Variants in UHRF2 observed in about 807,000 individuals in gnomAD.
UHRF2 encodes the protein ubiquitin like with PHD and ring finger domains 2.
UHRF2 carries 23 observed loss-of-function variants against 96.8 expected under a neutral mutation model. The ratio of observed to expected loss-of-function variants is 0.24; its 90% confidence interval spans 0.17 to 0.34. UHRF2 has a LOEUF of 0.34. Ranked by LOEUF, UHRF2 falls within the 10% of genes least tolerant of loss-of-function variation. The pLI is 1.00. For missense variants in UHRF2, 685 were observed against 981.5 expected (o/e 0.70, Z 4.04); for synonymous variants, 385 against 332.6 (o/e 1.16, Z -1.72).
At chr9:6,498,470 C>A (rs757177538) in intron 12 of UHRF2, 3 of 194,924 alleles carry the variant, frequency 1.5e-5, no homozygotes, top group Non-Finnish European at 3.1e-5. Context: ...GTATAGGAGG[C>A]CCTGGAAAAG....
chr9:6,448,291 C>A (rs1180747418), intron 3 of UHRF2, among the ~76,000 whole-genome samples: 3 of 152,068 alleles, frequency 2.0e-5, no homozygotes, highest in Non-Finnish European at 4.4e-5. Flanking sequence ...AAGGAAAACA[C>A]AGTTGTGGAA....
intron 3 of UHRF2, among the ~76,000 whole-genome samples, chr9:6,450,704 A>T (rs1018254691): frequency 3.9e-5 from 6 of 152,170 alleles, no homozygotes; most frequent in African/African-American, 1.2e-4. Flanking sequence ...TTTTTAACCT[A>T]TCCCAGTTGT....
chr9:6,440,270 G>A (rs1318408242), intron 3 of UHRF2, among the ~76,000 whole-genome samples: 2 of 152,154 alleles, frequency 1.3e-5, no homozygotes, highest in African/African-American at 4.8e-5. Flanking sequence ...AGAGAATGTT[G>A]TCTTATGTGC....
At chr9:6,464,030 C>A (rs561118810) in intron 4 of UHRF2, among the ~76,000 whole-genome samples, 1 of 152,226 alleles carries the variant, frequency 6.6e-6, no homozygotes, top group East Asian at 1.9e-4. Context: ...GTAGATAGAA[C>A]CAAGTGTCTG....
chr9:6,415,554 A>G (rs1014442841), intron 1 of UHRF2: 1 of 152,226 alleles, frequency 6.6e-6, no homozygotes, highest in Non-Finnish European at 1.5e-5. Context: ...CATCACAGAG[A>G]GTCCCCGTCC....
Position 6,481,581 on chromosome 9 carries a change from T to G in UHRF2, c.1161-62T>G, listed in dbSNP as rs534516365. On this transcript the variant is annotated intron_variant, in intron 6 of 15. Coordinates refer to ENST00000276893, the MANE Select transcript of UHRF2 (RefSeq NM_152896.3). ...TTGCTCTTACCTAGGAAGGCTAATA[T>G]TCTGTTACTAGCTTTAATATGGTAT... 1.1e-4 allele frequency: 171 copies of G among 1,570,854 alleles called. No individual in the cohort carries two copies. In the African/African-American group the frequency reaches 2.2e-3, roughly 20 times the overall value.
intron 3 of UHRF2, among the ~76,000 whole-genome samples, chr9:6,436,687 A>G (rs1176925407): frequency 6.6e-6 from 1 of 152,164 alleles, no homozygotes; most frequent in Admixed American, 6.5e-5. Flanking sequence ...TTGAAGTAAG[A>G]CTATCCAATG....
intron 2 of UHRF2, among the ~76,000 whole-genome samples, chr9:6,426,999 C>T (rs974890655): frequency 1.4e-5 from 1 of 69,316 alleles, no homozygotes; most frequent in Non-Finnish European, 4.1e-5. Flanking sequence ...TCACCTGCCT[C>T]GGCCTCCCAA....
At chr9:6,497,515 T>C (rs927166521) in intron 11 of UHRF2, among the ~76,000 whole-genome samples, 155 bp downstream of exon 11, 3 of 152,134 alleles carry the variant, frequency 2.0e-5, no homozygotes, top group Admixed American at 2.0e-4. Context: ...AAGCAAACTC[T>C]TAACTTCAGC....
chr9:6,421,434 A>G (rs1490249557), intron 2 of UHRF2, among the ~76,000 whole-genome samples: 1 of 152,140 alleles, frequency 6.6e-6, no homozygotes, highest in Non-Finnish European at 1.5e-5. Flanking sequence ...GTTTTTGATA[A>G]CGGAGGCTTG....
At chr9:6,487,146 A>C in intron 9 of UHRF2, among the ~76,000 whole-genome samples, 1 of 150,774 alleles carries the variant, frequency 6.6e-6, no homozygotes, top group Admixed American at 6.6e-5. Flanking sequence ...TATTATAAGG[A>C]AAACACATTC....
chr9:6,483,278 TTGTG>T (rs1824037331), intron 8 of UHRF2, among the ~76,000 whole-genome samples: 1 of 149,586 alleles, frequency 6.7e-6, no homozygotes, highest in African/African-American at 2.5e-5. Flanking sequence ...TGAGCCGAGA[TTGTG>T]CCACTGCACT....
At chr9:6,487,346 AC>A (rs1414919289) in intron 9 of UHRF2, among the ~76,000 whole-genome samples, 4 of 150,912 alleles carry the variant, frequency 2.7e-5, no homozygotes, top group Non-Finnish European at 5.9e-5. Context: ...CTGCCATCAC[AC>A]CTGGCTAATT....
intron 10 of UHRF2, chr9:6,495,735 T>G (rs1444206969): frequency 1.3e-5 from 2 of 152,124 alleles, no homozygotes; most frequent in African/African-American, 4.8e-5. Context: ...CTTGGACTCT[T>G]TTCATATACT....
At position 6,467,997 on chromosome 9, in the gene UHRF2, T is replaced by C. The variant is rs75589375; in HGVS notation, c.863+7206T>C. 8.9e-4 allele frequency among the ~76,000 whole-genome samples: 135 copies of C among 152,344 alleles called. 3 individuals are homozygous for C. The East Asian group carries it at 0.025, about 28-fold the overall frequency. On this transcript the variant is annotated intron_variant, in intron 4 of 15. Transcript: ENST00000276893. ...TAGACACCTCATCACAGTCTTTTTT[T>C]CTTACTTGAAATTACATAATGTGTC...
intron 1 of UHRF2, among the ~76,000 whole-genome samples, chr9:6,419,697 A>G (rs1272607659): frequency 6.6e-6 from 1 of 152,170 alleles, no homozygotes; most frequent in African/African-American, 2.4e-5. Context: ...TTTTCTGTGT[A>G]GGTCATAAGG....
intron 4 of UHRF2, among the ~76,000 whole-genome samples, chr9:6,466,928 A>C (rs1183853506): frequency 6.6e-6 from 1 of 152,230 alleles, no homozygotes; most frequent in Non-Finnish European, 1.5e-5. Flanking sequence ...AATCACATAC[A>C]TACCAGACAT....
rs1185689320 is a variant in UHRF2, at chr9:6,433,978, G to A, written c.449G>A (p.Ser150Asn). 6.2e-7 allele frequency: 1 copy of A among 1,614,070 alleles called. No homozygotes were observed. Among genetic ancestry groups the A allele is most frequent in the Non-Finnish European group, 8.5e-7 (1 of 1,180,018 alleles). ...LGAWFEAHIHSVTRASDGQSR... is the reference protein window; with the variant it reads ...LGAWFEAHIHNVTRASDGQSR... ...GCTTGGTTTGAAGCACACATACATAGTGTTACTAGAGCTTCTGATGGACAG... is the reference window on the plus strand; with the variant it reads ...GCTTGGTTTGAAGCACACATACATAATGTTACTAGAGCTTCTGATGGACAG... Residue 150 changes from serine to asparagine, a missense_variant, in exon 3 of 16, where the codon AGT becomes AAT. By Grantham distance (46) the Ser-to-Asn change is conservative. This residue lies in a region of UHRF2 where 391 missense variants were observed against 437.0 expected (regional missense o/e 0.89). Transcript: ENST00000276893.
chr9:6,435,155 G>A (rs1034247814), intron 3 of UHRF2, among the ~76,000 whole-genome samples: 17 of 152,022 alleles, frequency 1.1e-4, no homozygotes, highest in African/African-American at 4.1e-4. Flanking sequence ...CACCACGCCT[G>A]GCTAATTTTT....
Sources: allele counts gnomAD v4.1 joint callset (sites outside exome capture counted in the v4.1 genomes callset), GRCh38; gene constraint gnomAD v4.1.1; regional missense constraint gnomAD v4.1.1; transcripts MANE v1.5; gene names NCBI Gene and HGNC (gene_info 2026-07-23, HGNC 2026-07-21).